Variants in GPR132 observed in about 807,000 individuals in gnomAD.
GPR132 encodes the protein G protein-coupled receptor 132, also known as probable G protein-coupled receptor 132.
A neutral mutation model predicts 1.9 loss-of-function variants in GPR132; 4 were observed. The ratio of observed to expected loss-of-function variants is 2.13; its 90% CI spans 1.05 to 4.87. The LOEUF is 4.87. GPR132 is among the 30% of genes most tolerant of loss of function. The pLI is 0.01. For synonymous variants in GPR132, 233 were observed against 234.2 expected, an observed-to-expected ratio of 0.99 and a Z score of 0.05; for missense variants, 404 against 512.5, an observed-to-expected ratio of 0.79 and a Z score of 2.04.
chr14:105,059,448 C>T lies in GPR132; in HGVS notation c.-860-2168G>A, dbSNP rs970818446. ...CCCCTTCAAGCTGGGAACTGCTCAGCGCCGATCTGCCTGGCGTTCTATTCA... is the reference window on the plus strand; with the variant it reads ...CCCCTTCAAGCTGGGAACTGCTCAGTGCCGATCTGCCTGGCGTTCTATTCA... On this transcript the variant is annotated intron_variant, in intron 1 of 3. Coordinates refer to ENST00000329797, the MANE Select transcript of GPR132 (RefSeq NM_013345.4). The surrounding 1 kb of genome is among the most constrained non-coding windows in gnomAD (Gnocchi z 4.2). Among the ~76,000 whole-genome samples the T allele has an allele frequency of 3.9e-5, 6 of 152,086 alleles. No individual in the cohort carries two copies. Among genetic ancestry groups the T allele is most frequent in the Admixed American group, 1.3e-4 (2 of 15,280 alleles).
Position 105,051,236 on chromosome 14 carries a change from CG to C in GPR132, c.900del (p.Asn300LysfsTer32), listed in dbSNP as rs754295478. ...ACGTAGATAATGGGGTCAGCCACGC[CG>C]TTCACCGTGGACAGGCACAGAAACA... Reference protein sequence around the residue: ...SVVFLCLSTVNGVADPIIYVL... With the variant: ...SVVFLCLSTVXGVADPIIYVL... On this transcript the variant is annotated frameshift_variant, in exon 4 of 4. Coordinates refer to ENST00000329797, the MANE Select transcript of GPR132 (RefSeq NM_013345.4). LOFTEE classifies it low-confidence loss of function (END_TRUNC). The surrounding 1 kb of genome is among the most constrained non-coding windows in gnomAD (Gnocchi z 8.0). 3.1e-6 allele frequency: 5 copies of C among 1,613,516 alleles called. No homozygotes were observed. The highest frequency in any genetic ancestry group is 4.2e-6 in the Non-Finnish European group (5 of 1,179,470).
At position 105,056,214 on chromosome 14, in the gene GPR132, T is replaced by C. The variant is rs1886789145; in HGVS notation, c.-746-48A>G. ...TGTGACTGGGCTGCCTCACACTCAG[T>C]TGTCACCACTTCGCCCAAGACACAG... On this transcript the variant is annotated intron_variant, in intron 2 of 3. Coordinates refer to ENST00000329797, the MANE Select transcript of GPR132 (RefSeq NM_013345.4). The surrounding 1 kb of genome is among the most constrained non-coding windows in gnomAD (Gnocchi z 6.0). 2 of 973,410 alleles carry C rather than the reference T, an allele frequency of 2.1e-6. No individual in the cohort carries two copies. The highest frequency in any genetic ancestry group is 4.8e-5 in the South Asian group (1 of 20,996). 60.3% of individuals were successfully genotyped at this position (973,410 alleles called of 1,614,324 possible). A position where few individuals can be genotyped will look rare whatever the true frequency, so the allele number is the denominator to read the frequency against.
intron 3 of GPR132, chr14:105,054,495 G>C (rs1303997439): frequency 1.1e-5 from 8 of 740,064 alleles, no homozygotes; most frequent in Non-Finnish European, 1.3e-5. Context: ...GCAGTGGCGT[G>C]ATCTCTGCTA....
intron 1 of GPR132, among the ~76,000 whole-genome samples, chr14:105,061,105 C>T (rs367747410): frequency 6.6e-6 from 1 of 152,252 alleles, no homozygotes; most frequent in Non-Finnish European, 1.5e-5. Context: ...GTCAGTGGGC[C>T]CAGCAGGAGG....
At chr14:105,053,040 C>T (rs1318368187) in intron 3 of GPR132, among the ~76,000 whole-genome samples, 1 of 151,656 alleles carries the variant, frequency 6.6e-6, no homozygotes, top group African/African-American at 2.4e-5. Flanking sequence ...TCTAAGCAGT[C>T]TGTTAGGCGC....
chr14:105,061,329 G>A (rs1595141299), intron 1 of GPR132, among the ~76,000 whole-genome samples: 1 of 152,220 alleles, frequency 6.6e-6, no homozygotes, highest in Admixed American at 6.5e-5. Context: ...GCAGCCCACC[G>A]GCCTCTTCCG....
chr14:105,063,496 T>C (rs971362898), intron 1 of GPR132, among the ~76,000 whole-genome samples: 2 of 151,336 alleles, frequency 1.3e-5, no homozygotes, highest in African/African-American at 4.9e-5. Flanking sequence ...TGCCTCAGCC[T>C]CTGAAGTAGC....
In GPR132 at chr14:105,050,806, A is replaced by G. The variant is rs1384104836; in HGVS notation, c.*188T>C. On this transcript the variant is annotated 3_prime_UTR_variant, in exon 4 of 4. Coordinates refer to ENST00000329797, the MANE Select transcript of GPR132 (RefSeq NM_013345.4). This position sits in a 1 kb window ranked among gnomAD's most constrained non-coding sequence, Gnocchi z 4.0. Reference sequence around the variant, plus strand: ...TGGAGGTGTCGCTCCTCCCCTTGGCATGCAGCCACCTTCCATGTGGGAAAG... The same window carrying G: ...TGGAGGTGTCGCTCCTCCCCTTGGCGTGCAGCCACCTTCCATGTGGGAAAG... 3.3e-6 allele frequency: 2 copies of G among 608,958 alleles called. No individual in the cohort carries two copies. The highest frequency in any genetic ancestry group is 5.7e-6 in the Non-Finnish European group (2 of 352,512). 37.7% of individuals were successfully genotyped at this position (608,958 alleles called of 1,614,324 possible). A position where few individuals can be genotyped will look rare whatever the true frequency, so the allele number is the denominator to read the frequency against.
At chr14:105,057,511 C>CTTTTTTTTTTTTT (rs11299805) in intron 1 of GPR132, 10 of 88,538 alleles carry the variant, frequency 1.1e-4, no homozygotes, top group Non-Finnish European at 2.2e-4. Context: ...ACATACGATT[C>CTTTTTTTTTTTTT]TTTTTTTTTT....
rs962748213 is a variant in GPR132 at position 105,050,473 on chromosome 14, C to T, written c.*521G>A. 6.2e-6 allele frequency: 1 copy of T among 160,210 alleles called. No homozygotes were observed. Among genetic ancestry groups the T allele is most frequent in the Non-Finnish European group, 1.4e-5 (1 of 72,554 alleles). The allele number at this position is 160,210 out of a possible 1,614,324, so 9.9% of individuals were successfully genotyped here. ...CCCAACCCCAGATGAGGGCGCCTGC[C>T]CCCTTGGAGGTGGTAGGCTGCCCTA... On this transcript the variant is annotated 3_prime_UTR_variant, in exon 4 of 4. Transcript: ENST00000329797. This position sits in a 1 kb window ranked among gnomAD's most constrained non-coding sequence, Gnocchi z 4.0.
In GPR132 at chr14:105,055,751, C is replaced by T. The variant is rs529395956; in HGVS notation, c.-331G>A. On this transcript the variant is annotated 5_prime_UTR_variant, in exon 3 of 4. Transcript: ENST00000329797. The surrounding 1 kb of genome is among the most constrained non-coding windows in gnomAD (Gnocchi z 4.7). ...GTATTCAGTGTGTCCTCCAGGGTCT[C>T]GCCAAAAATATAAATATATATATAT... 4.2e-4 allele frequency: 154 copies of T among 367,496 alleles called. No homozygotes were observed. The highest frequency in any genetic ancestry group is 3.0e-3 in the African/African-American group (147 of 49,662). The allele number at this position is 367,496 out of a possible 1,614,324, so 22.8% of individuals were successfully genotyped here.
intron 1 of GPR132, among the ~76,000 whole-genome samples, chr14:105,062,183 C>T (rs1033270240): frequency 2.0e-5 from 3 of 152,232 alleles, no homozygotes; most frequent in Non-Finnish European, 4.4e-5. Flanking sequence ...CACCCCCGTC[C>T]ACCCATCCCT....
chr14:105,053,818 C>T (rs924135243), intron 3 of GPR132: 5 of 573,608 alleles, frequency 8.7e-6, no homozygotes, highest in African/African-American at 2.0e-5. Context: ...AACTAGCTGA[C>T]AGTAAAATAA....
In GPR132 at chr14:105,050,881, T is replaced by C; in HGVS notation, c.*113A>G. The C allele has an allele frequency of 1.1e-6, 1 of 945,838 alleles. No individual in the cohort carries two copies. The highest frequency in any genetic ancestry group is 1.6e-6 in the Non-Finnish European group (1 of 634,800). 58.6% of individuals were successfully genotyped at this position (945,838 alleles called of 1,614,324 possible). On this transcript the variant is annotated 3_prime_UTR_variant, in exon 4 of 4. Transcript: ENST00000329797. The surrounding 1 kb of genome is among the most constrained non-coding windows in gnomAD (Gnocchi z 4.0). ...AGTGGCTTCAGGAACGAGAAATTGG[T>C]AGTTTGTCTTCCAGAGGGGACATGG...
In GPR132 at chr14:105,051,946, G is replaced by A. The variant is rs201497144; in HGVS notation, c.191C>T (p.Ala64Val). The part of the protein sequence containing the change: ...TLGVPANCLT[A>V]WLALLQVLQG... ...CAGTACCTGCAGCAGCGCCAGCCAC[G>A]CAGTCAGGCAGTTGGCCGGCACCCC... The change falls in exon 4 of 4, where the codon GCG becomes GTG. Residue 64 changes from alanine (A) to valine (V), a missense_variant. Transcript: ENST00000329797. The surrounding 1 kb of genome is among the most constrained non-coding windows in gnomAD (Gnocchi z 8.0). 12 of 1,613,040 alleles carry A rather than the reference G, an allele frequency of 7.4e-6. No homozygotes were observed. Among genetic ancestry groups the A allele is most frequent in the South Asian group, 2.2e-5 (2 of 91,076 alleles).
In GPR132 at chr14:105,055,599, T is replaced by A; in HGVS notation, c.-179A>T. On this transcript the variant is annotated 5_prime_UTR_variant, in exon 3 of 4. Coordinates refer to ENST00000329797, the MANE Select transcript of GPR132 (RefSeq NM_013345.4). This position sits in a 1 kb window ranked among gnomAD's most constrained non-coding sequence, Gnocchi z 4.7. ...ACCTCCCCACGTGGGTGGGCATCTCTGCGTGTCTTCAGCGTGTGTCCTTCC... is the reference window on the plus strand; with the variant it reads ...ACCTCCCCACGTGGGTGGGCATCTCAGCGTGTCTTCAGCGTGTGTCCTTCC... 1 of 660,016 alleles carries A rather than the reference T, an allele frequency of 1.5e-6. No homozygotes were observed. The allele number at this position is 660,016 out of a possible 1,614,324, so 40.9% of individuals were successfully genotyped here.
rs763911047 is a variant in GPR132, at chr14:105,051,670, C to T, written c.467G>A (p.Arg156Gln). ...YALESRGRRR[R>Q]RTAILISACI... is the part of the protein sequence containing the mutation. ...GGCGGAGATGAGGATGGCGGTCCTC[C>T]GGCGGCGGCGGCCCCGACTCTCCAG... The change falls in exon 4 of 4, where the codon CGG becomes CAG. Residue 156 changes from arginine (R) to glutamine (Q), a missense_variant. Arg to Gln is a conservative substitution (Grantham distance 43). Transcript: ENST00000329797. The surrounding 1 kb of genome is among the most constrained non-coding windows in gnomAD (Gnocchi z 8.0). 27 of 1,613,486 alleles carry T rather than the reference C, an allele frequency of 1.7e-5. No homozygotes were observed. Among genetic ancestry groups the T allele is most frequent in the African/African-American group, 4.0e-5 (3 of 74,920 alleles).
Position 105,059,843 on chromosome 14 carries a change from C to T in GPR132, c.-860-2563G>A, listed in dbSNP as rs985107917. Among the ~76,000 whole-genome samples, 5 of 152,204 alleles carry T rather than the reference C, an allele frequency of 3.3e-5. No individual in the cohort carries two copies. The highest frequency in any genetic ancestry group is 1.5e-5 in the Non-Finnish European group (1 of 68,038). On this transcript the variant is annotated intron_variant, in intron 1 of 3. Transcript: ENST00000329797. The surrounding 1 kb of genome is among the most constrained non-coding windows in gnomAD (Gnocchi z 4.2). ...CGACGTTTTTTAACAACTGGAAAAA[C>T]AGGAAGCCACAATGTTCTCCTGAGA...
At chr14:105,062,334 T>G (rs1056226119) in intron 1 of GPR132, among the ~76,000 whole-genome samples, 1 of 152,158 alleles carries the variant, frequency 6.6e-6, no homozygotes, top group Non-Finnish European at 1.5e-5. Flanking sequence ...AAGCCACACC[T>G]TGGCAGCCCA....
Sources: gnomAD v4.1 joint callset for allele counts (sites outside exome capture counted in the v4.1 genomes callset) on GRCh38, gnomAD v4.1.1 for gene constraint, Gnocchi (gnomAD v3.1) non-coding constraint, MANE v1.5 for transcripts, NCBI Gene and HGNC (gene_info 2026-07-23, HGNC 2026-07-21) for gene names.